The following CTNNA3 variants were observed in gnomAD, a reference collection of about 807,000 sequenced individuals.
CTNNA3 encodes catenin alpha 3.
In CTNNA3, 76 loss-of-function variants were observed where a neutral mutation model predicts 95.7. That is an observed-to-expected ratio of 0.79 (90% CI 0.66 to 0.96). CTNNA3 has a LOEUF of 0.96. CTNNA3 is among the 40% of genes least tolerant of loss of function. CTNNA3 has a pLI of 0.00. For synonymous variants in CTNNA3, 431 were observed against 374.4 expected (o/e 1.15, Z -1.74); for missense variants, 1,191 against 1,089.8 (o/e 1.09, Z -1.31).
intron 5 of CTNNA3, among the ~76,000 whole-genome samples, chr10:67,351,383 T>TAA (rs5785823): frequency 6.6e-6 from 1 of 151,670 alleles, no homozygotes; most frequent in Non-Finnish European, 1.5e-5. Flanking sequence ...CACTTTCAAA[T>TAA]AAAAAATCTC....
chr10:66,291,608 C>T (rs1424048640), intron 12 of CTNNA3, among the ~76,000 whole-genome samples: 2 of 152,032 alleles, frequency 1.3e-5, no homozygotes, highest in Non-Finnish European at 2.9e-5. Context: ...GGTTAGTATT[C>T]TCTGTGCTCT....
intron 12 of CTNNA3, among the ~76,000 whole-genome samples, chr10:66,341,222 A>C (rs982821447): frequency 5.3e-5 from 8 of 151,920 alleles, no homozygotes; most frequent in Non-Finnish European, 7.4e-5. Context: ...CAACCATCAA[A>C]TTTCTTTACG....
At chr10:66,609,269 G>T (rs1041093369) in intron 10 of CTNNA3, among the ~76,000 whole-genome samples, 1 of 150,022 alleles carries the variant, frequency 6.7e-6, no homozygotes, top group African/African-American at 2.5e-5. Context: ...TCACCATTTG[G>T]CCAGGCTGAT....
intron 14 of CTNNA3, among the ~76,000 whole-genome samples, chr10:66,090,204 C>T (rs2081161985): frequency 6.6e-6 from 1 of 151,846 alleles, no homozygotes; most frequent in African/African-American, 2.4e-5. Context: ...TGAAAGAATC[C>T]CATGTAAAGG....
intron 7 of CTNNA3, among the ~76,000 whole-genome samples, chr10:67,155,872 ATTC>A (rs1241863592): frequency 6.6e-6 from 1 of 152,044 alleles, no homozygotes; most frequent in Non-Finnish European, 1.5e-5. Flanking sequence ...ATTGGTATTA[ATTC>A]TTCTTTAAGT....
intron 11 of CTNNA3, among the ~76,000 whole-genome samples, chr10:66,427,646 C>T (rs1161041036): frequency 6.6e-6 from 1 of 152,032 alleles, no homozygotes; most frequent in Admixed American, 6.6e-5. Flanking sequence ...TAAGCCATTT[C>T]AGCATATGAG....
chr10:66,238,579 G>A (rs1402991878), intron 13 of CTNNA3, among the ~76,000 whole-genome samples: 2 of 151,794 alleles, frequency 1.3e-5, no homozygotes, highest in African/African-American at 2.4e-5. Flanking sequence ...AACTTAGAGA[G>A]CAATAATGAG....
intron 5 of CTNNA3, among the ~76,000 whole-genome samples, chr10:67,249,083 G>A (rs773978789): frequency 2.8e-4 from 43 of 152,198 alleles, no homozygotes; most frequent in Middle Eastern, 3.4e-3. Context: ...CAAAAGAAAA[G>A]ATAGATAAAT....
rs1491247894 is a variant in CTNNA3 at position 66,508,211 on chromosome 10, T to TTTTTTTTTTTTTTTTTTTTTTTG, written c.1531+12405_1531+12406insCAAAAAAAAAAAAAAAAAAAAAA. Among the ~76,000 whole-genome samples the TTTTTTTTTTTTTTTTTTTTTTTG allele has an allele frequency of 6.4e-3, 581 of 90,772 alleles. 8 individuals are homozygous for TTTTTTTTTTTTTTTTTTTTTTTG. The highest frequency in any genetic ancestry group is 0.018 in the African/African-American group (306 of 16,694). The allele number at this position is 90,772 out of a possible 152,430, so 59.5% of individuals were successfully genotyped here. A position where few individuals can be genotyped will look rare whatever the true frequency, so the allele number is the denominator to read the frequency against. ...TTTTTTTGTTTTGTTTTGTTTTCTGTTTTTTTTTTTTTTAACAATTTCGTT... is the reference window on the plus strand; with the variant it reads ...TTTTTTTGTTTTGTTTTGTTTTCTGTTTTTTTTTTTTTTTTTTTTTTTGTTTTTTTTTTTTTAACAATTTCGTT... On this transcript the variant is annotated intron_variant, in intron 11 of 17. Transcript: ENST00000433211.
intron 12 of CTNNA3, among the ~76,000 whole-genome samples, chr10:66,307,332 G>A: frequency 6.6e-6 from 1 of 152,084 alleles, no homozygotes; most frequent in East Asian, 1.9e-4. Context: ...ATAGTATCTG[G>A]AAAATGTTAC....
intron 12 of CTNNA3, among the ~76,000 whole-genome samples, chr10:66,314,587 C>T (rs1471986279): frequency 1.3e-5 from 2 of 151,964 alleles, no homozygotes; most frequent in Non-Finnish European, 2.9e-5. Context: ...TCAATTTCCT[C>T]CAATTAGAAT....
intron 3 of CTNNA3, among the ~76,000 whole-genome samples, chr10:67,576,677 T>C (rs1468788392): frequency 7.1e-6 from 1 of 141,210 alleles, no homozygotes; most frequent in Non-Finnish European, 1.5e-5. Context: ...TAGCATTAGG[T>C]ATATCTCCTA....
At chr10:66,690,782 T>C (rs1183589755) in intron 9 of CTNNA3, among the ~76,000 whole-genome samples, 1 of 152,040 alleles carries the variant, frequency 6.6e-6, no homozygotes, top group African/African-American at 2.4e-5. Context: ...GCAATAAACA[T>C]ACATGTGCAT....
chr10:67,688,405 G>C (rs948818702), intron 1 of CTNNA3, among the ~76,000 whole-genome samples: 1 of 152,268 alleles, frequency 6.6e-6, no homozygotes, highest in East Asian at 1.9e-4. Flanking sequence ...AAGCTGAGAG[G>C]TCCTCCTGTG....
intron 1 of CTNNA3, among the ~76,000 whole-genome samples, chr10:67,711,148 CTT>C (rs1841105046): frequency 1.3e-5 from 2 of 152,218 alleles, no homozygotes. Context: ...CAATAAACCT[CTT>C]TCTTTTGCAA....
intron 12 of CTNNA3, among the ~76,000 whole-genome samples, chr10:66,346,563 C>T (rs2092522231): frequency 6.6e-6 from 1 of 151,964 alleles, no homozygotes; most frequent in Admixed American, 6.6e-5. Context: ...AGGCGTGAGC[C>T]ACCGCACCTG....
At chr10:67,285,681 G>A (rs1015954692) in intron 5 of CTNNA3, among the ~76,000 whole-genome samples, 7 of 152,164 alleles carry the variant, frequency 4.6e-5, no homozygotes, top group African/African-American at 1.4e-4. Flanking sequence ...ATATAAAATA[G>A]AAAAATATGT....
Position 67,284,279 on chromosome 10 carries a change from C to T in CTNNA3, c.580-64409G>A, listed in dbSNP as rs77679094. The stretch of plus-strand genomic sequence containing the variant: ...TAAGGAGTGAATTTTCAGATGTCCC[C>T]ACTCTGCCATTTCAAAAGTACTCCC... On this transcript the variant is annotated intron_variant, in intron 5 of 17. Transcript: ENST00000433211. Among the ~76,000 whole-genome samples, 46 of 152,306 alleles carry T rather than the reference C, an allele frequency of 3.0e-4. 1 individual carries two copies. In the East Asian group the frequency reaches 8.7e-3, roughly 29 times the overall value.
At chr10:66,745,827 C>T (rs1421923009) in intron 9 of CTNNA3, among the ~76,000 whole-genome samples, 1 of 150,968 alleles carries the variant, frequency 6.6e-6, no homozygotes, top group Non-Finnish European at 1.5e-5. Context: ...TCTCGATCTC[C>T]TGACCTCGTG....
Sources: allele counts gnomAD v4.1 joint callset (sites outside exome capture counted in the v4.1 genomes callset), GRCh38; gene constraint gnomAD v4.1.1; transcripts MANE v1.5; gene names NCBI Gene and HGNC (gene_info 2026-07-23, HGNC 2026-07-21).